Variants in PCDH15 observed in about 807,000 individuals in gnomAD.
PCDH15 encodes protocadherin-15.
In PCDH15, 129 loss-of-function variants were observed where a neutral mutation model predicts 178.5. The ratio of observed to expected loss-of-function variants is 0.72; its 90% confidence interval spans 0.63 to 0.84. PCDH15 has a LOEUF of 0.84. Among genes scored for constraint, PCDH15 ranks in the 40% least tolerant of loss-of-function variants. The probability of loss-of-function intolerance (pLI) is 0.00; values close to 1 mark genes in which losing one functional copy is unlikely to be tolerated. For missense variants in PCDH15, 2,230 were observed against 2,099.9 expected, an observed-to-expected ratio of 1.06 and a Z score of -1.21; for synonymous variants, 800 against 732.0, an observed-to-expected ratio of 1.09 and a Z score of -1.50.
chr10:55,343,415 ATCTGTTCTATTC>A (rs1844657491), intron 2 of PCDH15, among the ~76,000 whole-genome samples: 1 of 152,104 alleles, frequency 6.6e-6, no homozygotes, highest in South Asian at 2.1e-4. Context: ...ACTTTTCTCC[ATCTGTTCTATTC>A]TCTGCCCTCT....
chr10:54,885,171 G>T (rs762860633), intron 3 of PCDH15, among the ~76,000 whole-genome samples: 1 of 151,834 alleles, frequency 6.6e-6, no homozygotes. Flanking sequence ...AGTTGTTTTG[G>T]TCATTACCAC....
chr10:54,869,104 T>C (rs1953990017), intron 3 of PCDH15: 1 of 152,202 alleles, frequency 6.6e-6, no homozygotes. Flanking sequence ...ATGAATGCTC[T>C]ACTGAGTTGA....
intron 15 of PCDH15, among the ~76,000 whole-genome samples, chr10:54,130,119 A>T (rs1314735769): frequency 4.0e-5 from 6 of 151,584 alleles, no homozygotes. Context: ...ATAGATAAAA[A>T]ATTCAGACAG....
chr10:55,437,832 CTTTTTTTTTT>C (rs778307616), intron 2 of PCDH15, among the ~76,000 whole-genome samples: 4 of 85,178 alleles, frequency 4.7e-5, no homozygotes, highest in African/African-American at 2.0e-4. Context: ...TATTGCTTTT[CTTTTTTTTTT>C]TTTTTTTTTT....
At chr10:55,526,668 A>G (rs1175692767) in intron 2 of PCDH15, among the ~76,000 whole-genome samples, 1 of 152,104 alleles carries the variant, frequency 6.6e-6, no homozygotes, top group Non-Finnish European at 1.5e-5. Flanking sequence ...TTGACAGACT[A>G]TCACACTCAA....
rs979817697 is a variant in PCDH15 at position 54,717,650 on chromosome 10, T to C, written c.-28-53360A>G. 6.8e-5 allele frequency among the ~76,000 whole-genome samples: 9 copies of C among 132,224 alleles called. 1 individual carries two copies. The highest frequency in any genetic ancestry group is 1.6e-5 in the Non-Finnish European group (1 of 61,538). 86.7% of individuals were successfully genotyped at this position (132,224 alleles called of 152,430 possible). ...GGATGTGGAGAAATAGGAACACTTT[T>C]ACACTGTTGGTGGGACTGTAAACTA... On this transcript the variant is annotated intron_variant, in intron 1 of 37. Transcript: ENST00000644397.
chr10:55,197,344 A>G (rs900147865), intron 1 of PCDH15, among the ~76,000 whole-genome samples: 3 of 152,038 alleles, frequency 2.0e-5, no homozygotes, highest in Admixed American at 1.3e-4. Flanking sequence ...TTGCTCTAAA[A>G]CACACTTTTG....
intron 2 of PCDH15, among the ~76,000 whole-genome samples, chr10:55,497,287 G>A (rs539106795): frequency 2.6e-5 from 4 of 151,320 alleles, no homozygotes; most frequent in East Asian, 2.0e-4. Flanking sequence ...ACACCATGAC[G>A]CCTGGCTGAT....
chr10:53,856,526 T>C (rs1400123741), intron 28 of PCDH15, among the ~76,000 whole-genome samples: 3 of 152,102 alleles, frequency 2.0e-5, no homozygotes, highest in Non-Finnish European at 4.4e-5. Flanking sequence ...TTAGACACAT[T>C]GCTTTGAGAA....
chr10:54,306,999 A>AATAT (rs201669994), intron 8 of PCDH15, among the ~76,000 whole-genome samples: 1 of 99,586 alleles, frequency 1.0e-5, no homozygotes, highest in African/African-American at 3.5e-5. Context: ...TTTGAAATTA[A>AATAT]ATATATATAT....
At chr10:55,559,349 A>G (rs894443232) in intron 2 of PCDH15, among the ~76,000 whole-genome samples, 1 of 152,100 alleles carries the variant, frequency 6.6e-6, no homozygotes, top group South Asian at 2.1e-4. Flanking sequence ...TTACATTAAT[A>G]TAATCAAAAT....
rs202206172 is a variant in PCDH15 at position 53,903,339 on chromosome 10, C to T, written c.3405G>A (p.Gln1135=). Reference sequence around the variant, plus strand: ...ACACTGGGGGATGATTATTTTCATCCTGAATCTCAATGTATACTTTAGCTG... The same window carrying T: ...ACACTGGGGGATGATTATTTTCATCTTGAATCTCAATGTATACTTTAGCTG... ...SNTAKVYIEI[Q]DENNHPPVFQ... is the part of the protein sequence containing the mutation. Residue 1135 remains glutamine, a synonymous_variant, in exon 26 of 38, where the codon CAG becomes CAA. Coordinates refer to ENST00000644397, the MANE Select transcript of PCDH15 (RefSeq NM_001384140.1). 29 of 1,613,010 alleles carry T rather than the reference C, an allele frequency of 1.8e-5. No homozygotes were observed. The South Asian group carries it at 2.9e-4, about 16-fold the overall frequency.
intron 2 of PCDH15, chr10:54,600,523 G>A: frequency 1.7e-6 from 1 of 576,856 alleles, no homozygotes; most frequent in Non-Finnish European, 3.4e-6. Flanking sequence ...AATCACCAGT[G>A]AGAGGGAGAT....
chr10:54,656,025 C>T (rs530035496), intron 2 of PCDH15: 103 of 152,212 alleles, frequency 6.8e-4, no homozygotes, highest in Admixed American at 1.5e-3. Flanking sequence ...ATAAAAAAGA[C>T]AAAATCTCTG....
At chr10:54,602,684 T>C (rs2092592540) in intron 2 of PCDH15, among the ~76,000 whole-genome samples, 1 of 151,986 alleles carries the variant, frequency 6.6e-6, no homozygotes, top group South Asian at 2.1e-4. Flanking sequence ...AAATAGGTAT[T>C]AAATTTGACA....
intron 32 of PCDH15, chr10:53,822,314 A>G (rs780551041): frequency 6.2e-7 from 1 of 1,608,322 alleles, no homozygotes; most frequent in South Asian, 1.1e-5. Context: ...GTGTTGGGGG[A>G]CCAGACGTTG....
At chr10:54,158,862 C>A (rs1246633694) in intron 13 of PCDH15, among the ~76,000 whole-genome samples, 1 of 152,036 alleles carries the variant, frequency 6.6e-6, no homozygotes, top group Non-Finnish European at 1.5e-5. Flanking sequence ...AATTCCAGCA[C>A]TTTGGGAGGC....
At chr10:54,733,481 G>C (rs1943676769) in intron 1 of PCDH15, among the ~76,000 whole-genome samples, 1 of 150,780 alleles carries the variant, frequency 6.6e-6, no homozygotes, top group Admixed American at 6.6e-5. Context: ...CTAAGTGATG[G>C]GTATACATAT....
chr10:55,544,135 CATACATATATAT>C (rs202094603), intron 2 of PCDH15, among the ~76,000 whole-genome samples: 21,638 of 96,160 alleles, frequency 0.23, 2,310 homozygotes, highest in East Asian at 0.44. Flanking sequence ...AAATCTTATA[CATACATATATAT>C]ATATATATAT....
Sources: gnomAD v4.1 joint callset for allele counts (sites outside exome capture counted in the v4.1 genomes callset) on GRCh38, gnomAD v4.1.1 for gene constraint, MANE v1.5 for transcripts, NCBI Gene and HGNC (gene_info 2026-07-23, HGNC 2026-07-21) for gene names.